Variants in HINT3 observed in about 807,000 individuals in gnomAD.
The protein encoded by HINT3 is adenosine 5'-monophosphoramidase HINT3.
In HINT3, 16 loss-of-function variants were observed where a neutral mutation model predicts 19.1. The observed-to-expected ratio is 0.84, with a 90% confidence interval of 0.57 to 1.27. The LOEUF is 1.27. HINT3 is among the 50% of genes most tolerant of loss of function. The pLI is 0.00. For synonymous variants in HINT3, 75 were observed against 84.8 expected, an observed-to-expected ratio of 0.88 and a Z score of 0.63; for missense variants, 197 against 225.8, an observed-to-expected ratio of 0.87 and a Z score of 0.82.
chr6:125,967,141 A>G, intron 2 of HINT3, 137 bp downstream of exon 2: 1 of 535,732 alleles, frequency 1.9e-6, no homozygotes, highest in Admixed American at 3.5e-5. Flanking sequence ...TTTCACTATA[A>G]AGAATTTTAA....
At chr6:125,973,526 A>G (rs1730616092) in intron 3 of HINT3, among the ~76,000 whole-genome samples, 1 of 152,166 alleles carries the variant, frequency 6.6e-6, no homozygotes, top group African/African-American at 2.4e-5. Flanking sequence ...AATGCCATCC[A>G]TGCTACTTGT....
chr6:125,963,083 C>T (rs1163083916), intron 1 of HINT3, among the ~76,000 whole-genome samples: 3 of 152,118 alleles, frequency 2.0e-5, no homozygotes, highest in South Asian at 4.1e-4. Flanking sequence ...TTAGCATCCC[C>T]GATCTCGGCG....
intron 2 of HINT3, among the ~76,000 whole-genome samples, chr6:125,969,715 C>T (rs1380714510): frequency 6.6e-6 from 1 of 152,130 alleles, no homozygotes; most frequent in Non-Finnish European, 1.5e-5. Context: ...CCTTGACTAG[C>T]TGTATTCCTA....
At position 125,960,661 on chromosome 6, in the gene HINT3, G is replaced by GGGGT. The variant is rs1482674744; in HGVS notation, c.201+3486_201+3487insTGGG. Among the ~76,000 whole-genome samples the GGGGT allele has an allele frequency of 2.1e-3, 299 of 144,200 alleles. 17 individuals carry two copies. The highest frequency in any genetic ancestry group is 7.0e-3 in the African/African-American group (280 of 40,204). The allele number at this position is 144,200 out of a possible 152,430, so 94.6% of individuals were successfully genotyped here. On this transcript the variant is annotated intron_variant, in intron 1 of 4. Coordinates refer to ENST00000229633, the MANE Select transcript of HINT3 (RefSeq NM_138571.5). ...GACAGAGCAAGACTCTCTCTGGGGGGGGGGAAAAAAAAAGAAGTTAGGGCA... is the reference window on the plus strand; with the variant it reads ...GACAGAGCAAGACTCTCTCTGGGGGGGGGTGGGGAAAAAAAAAGAAGTTAGGGCA...
At chr6:125,974,055 A>G (rs1278900381) in intron 3 of HINT3, among the ~76,000 whole-genome samples, 4 of 152,194 alleles carry the variant, frequency 2.6e-5, no homozygotes, top group African/African-American at 9.7e-5. Flanking sequence ...CCAGAGGATC[A>G]CTGCTGCAGT....
intron 1 of HINT3, among the ~76,000 whole-genome samples, chr6:125,962,208 A>ATC (rs1788941707): frequency 2.7e-5 from 1 of 37,148 alleles, no homozygotes; most frequent in East Asian, 6.7e-4. Flanking sequence ...ATATATATAT[A>ATC]TACACATATA....
rs1159207506 is a variant in HINT3, at chr6:125,956,953, C to G, written c.-25C>G. The G allele has an allele frequency of 6.5e-7, 1 of 1,547,704 alleles. No individual in the cohort carries two copies. The highest frequency in any genetic ancestry group is 8.7e-7 in the Non-Finnish European group (1 of 1,145,790). ...CCCGGTAGCCCTGGAGAGGCCGAGGCTCTAGGCCGCGAGGGGCGGGTGCAA... is the reference window on the plus strand; with the variant it reads ...CCCGGTAGCCCTGGAGAGGCCGAGGGTCTAGGCCGCGAGGGGCGGGTGCAA... On this transcript the variant is annotated 5_prime_UTR_variant, in exon 1 of 5. Coordinates refer to ENST00000229633, the MANE Select transcript of HINT3 (RefSeq NM_138571.5).
intron 2 of HINT3, among the ~76,000 whole-genome samples, chr6:125,968,078 T>C (rs1172006272): frequency 6.6e-6 from 1 of 152,230 alleles, no homozygotes; most frequent in African/African-American, 2.4e-5. Context: ...TATTGTGTGG[T>C]GCTGAGGTTT....
chr6:125,965,794 G>A (rs182469193), intron 1 of HINT3, among the ~76,000 whole-genome samples: 3 of 152,224 alleles, frequency 2.0e-5, no homozygotes, highest in Admixed American at 2.0e-4. Context: ...AAAAAACAGT[G>A]TAGTCCTTGA....
intron 1 of HINT3, among the ~76,000 whole-genome samples, chr6:125,964,331 C>A (rs1562212891): frequency 6.6e-6 from 1 of 152,012 alleles, no homozygotes; most frequent in Non-Finnish European, 1.5e-5. Flanking sequence ...TTTTCAGAGT[C>A]AAAATTGTAA....
intron 1 of HINT3, among the ~76,000 whole-genome samples, chr6:125,963,630 G>A (rs1788976098): frequency 6.6e-6 from 1 of 152,170 alleles, no homozygotes; most frequent in Non-Finnish European, 1.5e-5. Flanking sequence ...GTTCTTCCCT[G>A]GGGCAGAGCA....
At chr6:125,972,931 CTG>C (rs936742279) in intron 3 of HINT3, among the ~76,000 whole-genome samples, 7 of 152,010 alleles carry the variant, frequency 4.6e-5, no homozygotes, top group Admixed American at 6.6e-5. Flanking sequence ...TCCTATAAAA[CTG>C]TATGCAAGTT....
At chr6:125,974,123 A>G (rs1328173188) in intron 3 of HINT3, among the ~76,000 whole-genome samples, 2 of 152,162 alleles carry the variant, frequency 1.3e-5, no homozygotes, top group Non-Finnish European at 2.9e-5. Flanking sequence ...GAACAGGCAA[A>G]TATTTCTAGG....
rs1277081776 is a variant in HINT3, at chr6:125,957,072, G to A, written c.95G>A (p.Cys32Tyr). The change falls in exon 1 of 5, where the codon TGT becomes TAT. Residue 32 changes from cysteine to tyrosine, a missense_variant. Cys to Tyr is a radical substitution (Grantham distance 194). Coordinates refer to ENST00000229633, the MANE Select transcript of HINT3 (RefSeq NM_138571.5). ...AETTVSSVGT[C>Y]EAAGKSPEPK... ...ACTACGGTTTCCTCAGTGGGGACCT[G>A]TGAAGCCGCTGGCAAGTCACCAGAG... 2 of 1,550,852 alleles carry A rather than the reference G, an allele frequency of 1.3e-6. No individual in the cohort carries two copies. Among genetic ancestry groups the A allele is most frequent in the Admixed American group, 2.0e-5 (1 of 51,006 alleles).
chr6:125,963,680 G>C (rs1788977206), intron 1 of HINT3, among the ~76,000 whole-genome samples: 2 of 152,112 alleles, frequency 1.3e-5, no homozygotes, highest in Non-Finnish European at 2.9e-5. Flanking sequence ...CTTTTTATAT[G>C]TAAAGCATAG....
At chr6:125,972,414 G>A (rs1024261877) in intron 3 of HINT3, 86 bp downstream of exon 3, 4 of 788,846 alleles carry the variant, frequency 5.1e-6, no homozygotes, top group Middle Eastern at 3.4e-4. Context: ...TGGAAACAGA[G>A]GTGGCAGTTT....
chr6:125,973,211 G>A (rs748081105), intron 3 of HINT3, among the ~76,000 whole-genome samples: 6 of 151,586 alleles, frequency 4.0e-5, no homozygotes, highest in Non-Finnish European at 8.8e-5. Flanking sequence ...ACGTAGCTGG[G>A]ATTGTGTGTG....
intron 3 of HINT3, among the ~76,000 whole-genome samples, chr6:125,973,122 C>CTGGA (rs1488570652): frequency 5.8e-5 from 7 of 120,364 alleles, no homozygotes; most frequent in African/African-American, 1.9e-4. Flanking sequence ...GTCCCCCAGG[C>CTGGA]TGGAGTGCAG....
At chr6:125,967,029 T>C in intron 2 of HINT3, 25 bp downstream of exon 2, 1 of 1,373,104 alleles carries the variant, frequency 7.3e-7, no homozygotes, top group Non-Finnish European at 1.0e-6. Flanking sequence ...GTATTCTTCA[T>C]GTTTATATCA....
Sources: allele counts gnomAD v4.1 joint callset (sites outside exome capture counted in the v4.1 genomes callset), GRCh38; gene constraint gnomAD v4.1.1; transcripts MANE v1.5; gene names NCBI Gene and HGNC (gene_info 2026-07-23, HGNC 2026-07-21).